Variants in SENP7 observed in about 807,000 individuals in gnomAD.
SENP7 encodes SUMO specific peptidase 7, also known as sentrin-specific protease 7.
SENP7 carries 64 observed loss-of-function variants against 141.2 expected under a neutral mutation model. The ratio of observed to expected loss-of-function variants is 0.45; its 90% CI spans 0.37 to 0.56. The LOEUF (loss-of-function observed/expected upper bound fraction) is 0.56. SENP7 is among the 20% of genes least tolerant of loss of function. The pLI is 0.00. For missense variants in SENP7, 1,025 were observed against 1,212.2 expected (o/e 0.85, Z 2.29); for synonymous variants, 382 against 426.4 (o/e 0.90, Z 1.28).
intron 6 of SENP7, among the ~76,000 whole-genome samples, chr3:101,379,461 C>A (rs2060433421): frequency 6.6e-6 from 1 of 151,902 alleles, no homozygotes; most frequent in Non-Finnish European, 1.5e-5. Flanking sequence ...GGATCAGTAT[C>A]CAGAATATAT....
Position 101,366,640 on chromosome 3 carries a change from A to G in SENP7, c.1108T>C (p.Ser370Pro). The change falls in exon 9 of 24, where the codon TCA (serine) becomes CCA (proline). Residue 370 changes from serine to proline, a missense_variant. This residue lies in a region of SENP7 where 496 missense variants were observed against 503.5 expected (regional missense o/e 0.99). Transcript: ENST00000394095. ...PTKSDFTKLS[S>P]LNSQELTLSN... Reference sequence around the variant, plus strand: ...AAAGTCAACTCCTGACTGTTAAGTGAGGATAGTTTAGTAAAATCACTTTTT... The same window carrying G: ...AAAGTCAACTCCTGACTGTTAAGTGGGGATAGTTTAGTAAAATCACTTTTT... 3.1e-6 allele frequency: 5 copies of G among 1,613,934 alleles called. No homozygotes were observed. The Admixed American group carries it at 8.3e-5, about 27-fold the overall frequency.
At chr3:101,350,312 C>A (rs932171226) in intron 12 of SENP7, among the ~76,000 whole-genome samples, 3 of 152,044 alleles carry the variant, frequency 2.0e-5, no homozygotes, top group African/African-American at 4.8e-5. Flanking sequence ...TTACTAACAG[C>A]CAAACATAAT....
intron 2 of SENP7, among the ~76,000 whole-genome samples, chr3:101,499,803 G>A (rs923853404): frequency 1.3e-5 from 2 of 152,120 alleles, no homozygotes; most frequent in African/African-American, 4.8e-5. Flanking sequence ...CCAAAGTGCT[G>A]GGATTACAGG....
intron 2 of SENP7, among the ~76,000 whole-genome samples, chr3:101,496,774 C>A (rs749134218): frequency 1.3e-5 from 2 of 150,188 alleles, no homozygotes; most frequent in Non-Finnish European, 2.9e-5. Flanking sequence ...GATGGGCTTG[C>A]ACCATCTTGG....
intron 3 of SENP7, among the ~76,000 whole-genome samples, chr3:101,486,493 A>G (rs1328211148): frequency 6.6e-6 from 1 of 152,210 alleles, no homozygotes; most frequent in Non-Finnish European, 1.5e-5. Flanking sequence ...AGAATTCTGT[A>G]TCCAACGAAA....
At chr3:101,407,459 T>C (rs2061337000) in intron 5 of SENP7, among the ~76,000 whole-genome samples, 2 of 152,028 alleles carry the variant, frequency 1.3e-5, no homozygotes, top group African/African-American at 4.8e-5. Context: ...TACAGAACAT[T>C]CCATCCAACA....
At chr3:101,353,681 C>T (rs1172351297) in intron 11 of SENP7, among the ~76,000 whole-genome samples, 1 of 151,946 alleles carries the variant, frequency 6.6e-6, no homozygotes, top group Non-Finnish European at 1.5e-5. Flanking sequence ...ATTTCTCGTA[C>T]TATCAACAAA....
Position 101,343,886 on chromosome 3 carries a change from T to G in SENP7, c.1906A>C (p.Lys636Gln). ...PVSQREELKL[K>Q]DIMTEISIIS... ...ATACTTATTTCCGTCATAATATCTT[T>G]CAGCTTCAATTCTTCTCTTTGTGAA... Residue 636 changes from lysine to glutamine, a missense_variant, in exon 14 of 24, where the codon AAA (lysine) becomes CAA (glutamine). Coordinates refer to ENST00000394095, the MANE Select transcript of SENP7 (RefSeq NM_020654.5). The G allele has an allele frequency of 6.2e-7, 1 of 1,612,502 alleles. No homozygotes were observed. The highest frequency in any genetic ancestry group is 8.5e-7 in the Non-Finnish European group (1 of 1,178,860).
chr3:101,498,455 C>T (rs1248461326), intron 2 of SENP7, among the ~76,000 whole-genome samples: 2 of 152,076 alleles, frequency 1.3e-5, no homozygotes, highest in Non-Finnish European at 2.9e-5. Context: ...AAAGTCATAA[C>T]CTTAATCTAA....
chr3:101,411,772 T>C (rs1160826191), intron 5 of SENP7, among the ~76,000 whole-genome samples: 1 of 152,240 alleles, frequency 6.6e-6, no homozygotes, highest in Non-Finnish European at 1.5e-5. Flanking sequence ...CCCAATTTTT[T>C]CCTAAGTATG....
At chr3:101,508,491 C>T (rs1391419959) in intron 1 of SENP7, among the ~76,000 whole-genome samples, 1 of 151,968 alleles carries the variant, frequency 6.6e-6, no homozygotes, top group African/African-American at 2.4e-5. Context: ...CCCAGCTACT[C>T]GGGAGGCTGA....
At chr3:101,330,865 T>C (rs920627667) in intron 19 of SENP7, among the ~76,000 whole-genome samples, 1 of 152,222 alleles carries the variant, frequency 6.6e-6, no homozygotes, top group African/African-American at 2.4e-5. Flanking sequence ...TGGCTATTTT[T>C]CAATCAGCTT....
At chr3:101,508,561 T>G (rs915465330) in intron 1 of SENP7, among the ~76,000 whole-genome samples, 4 of 151,852 alleles carry the variant, frequency 2.6e-5, no homozygotes, top group African/African-American at 9.7e-5. Flanking sequence ...ATCGTGCCAC[T>G]GCACTCCAGC....
chr3:101,513,145 G>A lies in SENP7; in HGVS notation c.-15C>T. 6 of 1,478,758 alleles carry A rather than the reference G, an allele frequency of 4.1e-6. No homozygotes were observed. The highest frequency in any genetic ancestry group is 5.5e-6 in the Non-Finnish European group (6 of 1,096,566). 91.6% of individuals were successfully genotyped at this position (1,478,758 alleles called of 1,614,324 possible). Reference sequence around the variant, plus strand: ...CTCTTGTCCATCTTCTCCCGCTGCTGAAATTTCAGTTGCAGGCGCTGTCAC... The same window carrying A: ...CTCTTGTCCATCTTCTCCCGCTGCTAAAATTTCAGTTGCAGGCGCTGTCAC... On this transcript the variant is annotated 5_prime_UTR_variant, in exon 1 of 24. Coordinates refer to ENST00000394095, the MANE Select transcript of SENP7 (RefSeq NM_020654.5).
intron 5 of SENP7, chr3:101,414,262 ATGG>A: frequency 1.5e-6 from 1 of 680,318 alleles, no homozygotes; most frequent in Non-Finnish European, 2.7e-6. Flanking sequence ...GGTAGAATCG[ATGG>A]TGAAGAGTCT....
chr3:101,348,402 T>C (rs2059529131), intron 12 of SENP7, among the ~76,000 whole-genome samples: 1 of 152,174 alleles, frequency 6.6e-6, no homozygotes. Context: ...GAGAATTCTC[T>C]CCAGGAATTC....
At chr3:101,476,261 C>A (rs1481122201) in intron 3 of SENP7, among the ~76,000 whole-genome samples, 1 of 151,794 alleles carries the variant, frequency 6.6e-6, no homozygotes, top group East Asian at 1.9e-4. Context: ...ACCCCCAATC[C>A]CCCAAAGGCC....
chr3:101,450,245 C>T (rs995773871), intron 4 of SENP7, among the ~76,000 whole-genome samples: 1 of 152,186 alleles, frequency 6.6e-6, no homozygotes, highest in African/African-American at 2.4e-5. Context: ...AGAGTTAAGA[C>T]TCCCACACAA....
intron 3 of SENP7, among the ~76,000 whole-genome samples, chr3:101,485,494 AC>A (rs2064691778): frequency 6.6e-6 from 1 of 152,090 alleles, no homozygotes; most frequent in Non-Finnish European, 1.5e-5. Flanking sequence ...GGGTGGCTAG[AC>A]CCAGAAGAGA....
Sources: gnomAD v4.1 joint callset for allele counts (sites outside exome capture counted in the v4.1 genomes callset) on GRCh38, gnomAD v4.1.1 for gene constraint, gnomAD v4.1.1 regional missense constraint, MANE v1.5 for transcripts, NCBI Gene and HGNC (gene_info 2026-07-23, HGNC 2026-07-21) for gene names.